RP1L1: variants seen among roughly 807,000 people sequenced by gnomAD.
RP1L1 encodes retinitis pigmentosa 1-like 1 protein.
In RP1L1, 27 loss-of-function variants were observed where a neutral mutation model predicts 15.7. The observed-to-expected ratio is 1.72, with a 90% CI of 1.27 to 2.38. The LOEUF is 2.38. Among genes scored for constraint, RP1L1 ranks in the 30% most tolerant of loss-of-function variants. RP1L1 has a pLI of 0.00. For synonymous variants in RP1L1, 1,813 were observed against 1,276.7 expected (o/e 1.42, Z -8.96); for missense variants, 4,798 against 3,075.9 (o/e 1.56, Z -13.24).
chr8:10,625,842 C>A (rs945576664), intron 1 of RP1L1, among the ~76,000 whole-genome samples: 23 of 152,178 alleles, frequency 1.5e-4, no homozygotes, highest in African/African-American at 5.1e-4. Context: ...CCCAGCAAAC[C>A]CCAGGGTCCA....
chr8:10,616,696 A>C, intron 2 of RP1L1, 109 bp from the exon 3 acceptor site: 9 of 1,265,424 alleles, frequency 7.1e-6, no homozygotes, highest in Non-Finnish European at 9.6e-6. Flanking sequence ...TGATTTCTGC[A>C]CATCTCACCC....
Position 10,612,480 on chromosome 8 carries a change from C to T in RP1L1, c.1618G>A (p.Gly540Ser), listed in dbSNP as rs761130623. 9.3e-6 allele frequency: 15 copies of T among 1,612,518 alleles called. No individual in the cohort carries two copies. The highest frequency in any genetic ancestry group is 5.5e-5 in the South Asian group (5 of 91,074). The stretch of plus-strand genomic sequence containing the variant: ...CATTCGCTGGATCCCTCATGAGAGC[C>T]GGTGCTGGCTGACGAGTCCGAAGAA... The part of the protein sequence containing the change: ...GASSDSSAST[G>S]SHEGSSEWGG... Residue 540 changes from glycine (G) to serine (S), a missense_variant, in exon 4 of 4, where the codon GGC becomes AGC. Transcript: ENST00000382483.
chr8:10,614,817 C>A (rs1797939592), intron 3 of RP1L1, among the ~76,000 whole-genome samples: 1 of 151,410 alleles, frequency 6.6e-6, no homozygotes, highest in Non-Finnish European at 1.5e-5. Flanking sequence ...GGAGATATAC[C>A]TAATGTAAAT....
chr8:10,611,534 G>C lies in RP1L1; in HGVS notation c.2564C>G (p.Thr855Ser). The C allele has an allele frequency of 6.3e-7, 1 of 1,590,046 alleles. No homozygotes were observed. The highest frequency in any genetic ancestry group is 8.6e-7 in the Non-Finnish European group (1 of 1,169,062). The change falls in exon 4 of 4, where the codon ACC becomes AGC. Residue 855 changes from threonine (T) to serine (S), a missense_variant. Thr to Ser is a moderately conservative substitution (Grantham distance 58). Transcript: ENST00000382483. Reference sequence around the variant, plus strand: ...GGGGCAGGGCCGCCCCCTGGGCGGGGTGGGACAGTACCTGCCACACAGCCA... The same window carrying C: ...GGGGCAGGGCCGCCCCCTGGGCGGGCTGGGACAGTACCTGCCACACAGCCA... ...ASWLCGRYCP[T>S]PPRGRPCPQR...
chr8:10,617,349 C>G (rs1397432969), intron 2 of RP1L1, among the ~76,000 whole-genome samples: 2 of 133,968 alleles, frequency 1.5e-5, no homozygotes. Flanking sequence ...CTTTAAAGCA[C>G]AGAGCATGTT....
In RP1L1 at chr8:10,607,553, G is replaced by T. The variant is rs183570817; in HGVS notation, c.6545C>A (p.Ala2182Asp). 8.5e-3 allele frequency: 13,383 copies of T among 1,566,868 alleles called. 66 individuals are homozygous for T. Among genetic ancestry groups the T allele is most frequent in the Middle Eastern group, 0.013 (74 of 5,868 alleles). Residue 2182 changes from alanine (A) to aspartate (D), a missense_variant, in exon 4 of 4, where the codon GCC (alanine) becomes GAC (aspartate). By Grantham distance (126) the Ala-to-Asp change is moderately radical. Coordinates refer to ENST00000382483, the MANE Select transcript of RP1L1 (RefSeq NM_178857.6). ...CTGGGCCTCCCCTTCTGCCTCTGGGGCCTCTACACCTTCTAACTCTGGTTG... is the reference window on the plus strand; with the variant it reads ...CTGGGCCTCCCCTTCTGCCTCTGGGTCCTCTACACCTTCTAACTCTGGTTG... The part of the protein sequence containing the change: ...EAQPELEGVE[A>D]PEAEGEAQPE...
rs547105768 is a variant in RP1L1, at chr8:10,654,459, C to G, written c.-20+439G>C. ...CCTCTAAGAAGCAAATTGGACACCT[C>G]CCCAGAATCTGCTCCCACCCCAGCT... On this transcript the variant is annotated intron_variant, in intron 1 of 3. Coordinates refer to ENST00000382483, the MANE Select transcript of RP1L1 (RefSeq NM_178857.6). Among the ~76,000 whole-genome samples, 612 of 152,192 alleles carry G rather than the reference C, an allele frequency of 4.0e-3. 5 individuals are homozygous for G. Among genetic ancestry groups the G allele is most frequent in the African/African-American group, 0.014 (581 of 41,506 alleles).
chr8:10,618,938 C>G (rs565676566), intron 2 of RP1L1, among the ~76,000 whole-genome samples: 1 of 152,144 alleles, frequency 6.6e-6, no homozygotes, highest in African/African-American at 2.4e-5. Context: ...GCAACCTCCA[C>G]CTCTCAGGTT....
At position 10,612,363 on chromosome 8, in the gene RP1L1, G is replaced by A. The variant is rs976908152; in HGVS notation, c.1735C>T (p.Leu579=). ...SEGGDPASPA[L]SLSSLRSDDL... ...TCACTCCTTAAAGATGAAAGACTCAGGGCTGGAGAAGCGGGGTCGCCTCCC... is the reference window on the plus strand; with the variant it reads ...TCACTCCTTAAAGATGAAAGACTCAAGGCTGGAGAAGCGGGGTCGCCTCCC... Residue 579 remains leucine, a synonymous_variant, in exon 4 of 4, where the codon CTG becomes TTG. Transcript: ENST00000382483. The A allele has an allele frequency of 6.2e-7, 1 of 1,612,940 alleles. No homozygotes were observed. Among genetic ancestry groups the A allele is most frequent in the African/African-American group, 1.3e-5 (1 of 74,942 alleles).
Position 10,606,898 on chromosome 8 carries a change from G to A in RP1L1, c.7200C>T (p.Phe2400=). Residue 2400 remains phenylalanine (F), a synonymous_variant, in exon 4 of 4, where the codon TTC becomes TTT. Transcript: ENST00000382483. ...ADGFGQDDLD[F] ...TTGTTTTCTAGCTTGATCTTGTCTA[G>A]AAATCTAAGTCATCTTGGCCAAAGC... 6.2e-7 allele frequency: 1 copy of A among 1,614,164 alleles called. No homozygotes were observed. The highest frequency in any genetic ancestry group is 8.5e-7 in the Non-Finnish European group (1 of 1,180,038).
Position 10,608,183 on chromosome 8 carries a change from G to A in RP1L1, c.5915C>T (p.Pro1972Leu), listed in dbSNP as rs928107038. ...ESQEAEEEAQ[P>L]ESEDVEALEV... ...CAGGGCCTCTACATCTTCTGACTCTGGCTGGGCTTCCTCTTCTGCCTCCTG... is the reference window on the plus strand; with the variant it reads ...CAGGGCCTCTACATCTTCTGACTCTAGCTGGGCTTCCTCTTCTGCCTCCTG... The change falls in exon 4 of 4, where the codon CCA becomes CTA. Residue 1972 changes from proline (P) to leucine (L), a missense_variant. Physicochemically the swap from Pro to Leu is moderately conservative, Grantham distance 98. Transcript: ENST00000382483. 6.2e-7 allele frequency: 1 copy of A among 1,607,258 alleles called. No homozygotes were observed. The highest frequency in any genetic ancestry group is 8.5e-7 in the Non-Finnish European group (1 of 1,179,190).
chr8:10,622,718 G>T lies in RP1L1; in HGVS notation c.484C>A (p.Pro162Thr), dbSNP rs776563038. ...RRILLIKNMD[P>T]RLQQTVVLSH... ...AGAACCACTGTCTGCTGGAGGCGAG[G>T]GTCCATGTTCTTAATCAGCAGTATC... Residue 162 changes from proline to threonine, a missense_variant, in exon 2 of 4, where the codon CCT (proline) becomes ACT (threonine). Transcript: ENST00000382483. 2.0e-5 allele frequency: 32 copies of T among 1,614,012 alleles called. No individual in the cohort carries two copies. In the African/African-American group the frequency reaches 3.9e-4, roughly 20 times the overall value.
At chr8:10,653,332 C>CG (rs1209535308) in intron 1 of RP1L1, among the ~76,000 whole-genome samples, 1 of 152,040 alleles carries the variant, frequency 6.6e-6, no homozygotes, top group Non-Finnish European at 1.5e-5. Context: ...TAGTCCAGAC[C>CG]CCTTGATTTC....
intron 2 of RP1L1, chr8:10,621,255 G>T (rs1563130027): frequency 1.3e-5 from 2 of 155,110 alleles, no homozygotes; most frequent in Non-Finnish European, 2.9e-5. Flanking sequence ...ATTGTAGGAG[G>T]GAGAGCTCTG....
chr8:10,641,514 G>T (rs1358540005), intron 1 of RP1L1, among the ~76,000 whole-genome samples: 2 of 152,214 alleles, frequency 1.3e-5, no homozygotes, highest in East Asian at 1.9e-4. Flanking sequence ...TTAAAAAGAT[G>T]TGAGGAGAAA....
At chr8:10,632,752 G>T (rs958645933) in intron 1 of RP1L1, among the ~76,000 whole-genome samples, 1 of 152,152 alleles carries the variant, frequency 6.6e-6, no homozygotes, top group Non-Finnish European at 1.5e-5. Context: ...CCAACACAGG[G>T]GTCCCCTCAT....
chr8:10,633,091 G>A (rs1214485326), intron 1 of RP1L1, among the ~76,000 whole-genome samples: 1 of 152,174 alleles, frequency 6.6e-6, no homozygotes, highest in Non-Finnish European at 1.5e-5. Context: ...ACAGCACGGC[G>A]ACGTTCCCAG....
intron 3 of RP1L1, among the ~76,000 whole-genome samples, chr8:10,615,775 C>T (rs1309291394): frequency 1.3e-5 from 2 of 152,104 alleles, no homozygotes; most frequent in Non-Finnish European, 2.9e-5. Context: ...CTCCTGGGCT[C>T]AAGTGATCCT....
At chr8:10,653,410 C>T (rs1391718073) in intron 1 of RP1L1, among the ~76,000 whole-genome samples, 2 of 151,762 alleles carry the variant, frequency 1.3e-5, no homozygotes, top group African/African-American at 2.4e-5. Context: ...GTCTACACTT[C>T]GTGACTGCAG....
Sources: allele counts gnomAD v4.1 joint callset (sites outside exome capture counted in the v4.1 genomes callset), GRCh38; gene constraint gnomAD v4.1.1; transcripts MANE v1.5; gene names NCBI Gene and HGNC (gene_info 2026-07-23, HGNC 2026-07-21).